Variants in ATN1 observed in about 807,000 individuals in gnomAD.
ATN1 encodes the protein atrophin-1.
ATN1 carries 19 observed loss-of-function variants against 85.8 expected under a neutral mutation model. The ratio of observed to expected loss-of-function variants is 0.22; its 90% CI spans 0.15 to 0.32. The LOEUF (loss-of-function observed/expected upper bound fraction) is 0.32, where lower values mean the gene tolerates loss of function less well. ATN1 is among the 10% of genes least tolerant of loss of function. The pLI is 1.00. For synonymous variants in ATN1, 674 were observed against 657.0 expected (o/e 1.03, Z -0.39); for missense variants, 1,453 against 1,564.5 (o/e 0.93, Z 1.20).
Position 6,937,052 on chromosome 12 carries a change from A to G in ATN1, c.1785A>G (p.Gln595=). ...ACCCCTCCCCTTCCCAGGGCCCTCA[A>G]GGGGCGCCCTACCCTTTCCCACCGG... ...CSHPSPSQGP[Q]GAPYPFPPVP... The change falls in exon 5 of 10, where the codon CAA becomes CAG. Residue 595 remains glutamine, a synonymous_variant. Coordinates refer to ENST00000396684, the MANE Select transcript of ATN1 (RefSeq NM_001940.4). The surrounding 1 kb of genome is among the most constrained non-coding windows in gnomAD (Gnocchi z 6.0). The G allele has an allele frequency of 6.2e-7, 1 of 1,613,642 alleles. No individual in the cohort carries two copies. The highest frequency in any genetic ancestry group is 8.5e-7 in the Non-Finnish European group (1 of 1,179,930).
upstream of ATN1, among the ~76,000 whole-genome samples, chr12:6,927,013 G>C (rs1417834122): frequency 6.6e-6 from 1 of 150,988 alleles, no homozygotes; most frequent in Non-Finnish European, 1.5e-5. Context: ...ATTTTCCCTA[G>C]AATTGGCACC....
At chr12:6,939,872 C>T (rs782306288) in intron 7 of ATN1, among the ~76,000 whole-genome samples, 2 of 152,198 alleles carry the variant, frequency 1.3e-5, no homozygotes, top group Admixed American at 6.5e-5. Context: ...TCTCCCTCTG[C>T]GAGGTCTTTC....
intron 7 of ATN1, among the ~76,000 whole-genome samples, chr12:6,940,575 G>C (rs969266327): frequency 2.6e-5 from 4 of 152,078 alleles, no homozygotes; most frequent in Non-Finnish European, 4.4e-5. Flanking sequence ...GCCTCTTCTT[G>C]TCTTATTTTC....
chr12:6,937,689 C>G lies in ATN1; in HGVS notation c.2294+128C>G. The G allele has an allele frequency of 7.0e-7, 1 of 1,431,384 alleles. No individual in the cohort carries two copies. Among genetic ancestry groups the G allele is most frequent in the Non-Finnish European group, 9.2e-7 (1 of 1,091,780 alleles). The allele number at this position is 1,431,384 out of a possible 1,614,324, so 88.7% of individuals were successfully genotyped here. ...TTTAGAAAAGCACGCCCCTCTCCTC[C>G]GTCCAGGCCTAGTGGCCAGTGAGGC... is the stretch of plus-strand genomic sequence containing the variant. On this transcript the variant is annotated intron_variant, in intron 5 of 9. Transcript: ENST00000396684. The surrounding 1 kb of genome is among the most constrained non-coding windows in gnomAD (Gnocchi z 6.0).
At position 6,940,970 on chromosome 12, in the gene ATN1, C is replaced by T. The variant is rs1555144551; in HGVS notation, c.3305C>T (p.Pro1102Leu). The change falls in exon 8 of 10, where the codon CCC (proline) becomes CTC (leucine). Residue 1102 changes from proline to leucine, a missense_variant. By Grantham distance (98) the Pro-to-Leu change is moderately conservative. Coordinates refer to ENST00000396684, the MANE Select transcript of ATN1 (RefSeq NM_001940.4). Reference sequence around the variant, plus strand: ...TACCCAGCTGGAACTCTCCCTAACCCCCTGCTTCCTCACCCTCTGCACGAG... The same window carrying T: ...TACCCAGCTGGAACTCTCCCTAACCTCCTGCTTCCTCACCCTCTGCACGAG... ...IPYPAGTLPN[P>L]LLPHPLHENE... The T allele has an allele frequency of 6.2e-7, 1 of 1,614,226 alleles. No individual in the cohort carries two copies. Among genetic ancestry groups the T allele is most frequent in the South Asian group, 1.1e-5 (1 of 91,082 alleles).
At position 6,937,322 on chromosome 12, in the gene ATN1, C is replaced by A. The variant is rs1555143944; in HGVS notation, c.2055C>A (p.Phe685Leu). 6.4e-7 allele frequency: 1 copy of A among 1,568,758 alleles called. No homozygotes were observed. The highest frequency in any genetic ancestry group is 2.4e-5 in the East Asian group (1 of 41,726). Residue 685 changes from phenylalanine to leucine, a missense_variant, in exon 5 of 10, where the codon TTC becomes TTA. Transcript: ENST00000396684. This position sits in a 1 kb window ranked among gnomAD's most constrained non-coding sequence, Gnocchi z 6.0. ...GTSPPAGPGT[F>L]KPGSPTVGPG... The stretch of plus-strand genomic sequence containing the variant: ...CGCCACCTGCAGGCCCAGGGACCTT[C>A]AAGCCGGGCTCGCCCACCGTGGGAC...
chr12:6,930,047 A>AG (rs782133918), intron 1 of ATN1, among the ~76,000 whole-genome samples: 1 of 152,206 alleles, frequency 6.6e-6, no homozygotes, highest in Non-Finnish European at 1.5e-5. Flanking sequence ...AGCTTCATGC[A>AG]GGGGAAATAC....
chr12:6,939,533 G>A (rs1375143428), intron 7 of ATN1, among the ~76,000 whole-genome samples: 1 of 152,112 alleles, frequency 6.6e-6, no homozygotes, highest in Non-Finnish European at 1.5e-5. Context: ...ACATGGTCTG[G>A]CTCTGCCACC....
In ATN1 at chr12:6,935,939, T is replaced by A. The variant is rs1555143513; in HGVS notation, c.672T>A (p.Thr224=). Residue 224 remains threonine (T), a synonymous_variant, in exon 5 of 10, where the codon ACT becomes ACA. Coordinates refer to ENST00000396684, the MANE Select transcript of ATN1 (RefSeq NM_001940.4). This position sits in a 1 kb window ranked among gnomAD's most constrained non-coding sequence, Gnocchi z 5.3. ...ACCCACAGCTCTATCCTGGGGGCACTGGTGGAGTTTTGTCTGGACCCCCAA... is the reference window on the plus strand; with the variant it reads ...ACCCACAGCTCTATCCTGGGGGCACAGGTGGAGTTTTGTCTGGACCCCCAA... ...PPHPQLYPGG[T]GGVLSGPPMG... The A allele has an allele frequency of 6.3e-7, 1 of 1,596,744 alleles. No individual in the cohort carries two copies.
At position 6,937,466 on chromosome 12, in the gene ATN1, G is replaced by A. The variant is rs1555143987; in HGVS notation, c.2199G>A (p.Glu733=). ...AGATCAAACAGGAGCCGGCTGAGGA[G>A]TATGAGACCCCCGAGAGCCCGGTGC... The part of the protein sequence containing the change: ...ATQIKQEPAE[E]YETPESPVPP... The change falls in exon 5 of 10, where the codon GAG becomes GAA. Residue 733 remains glutamate, a synonymous_variant. Transcript: ENST00000396684. The surrounding 1 kb of genome is among the most constrained non-coding windows in gnomAD (Gnocchi z 6.0). 2 of 1,546,366 alleles carry A rather than the reference G, an allele frequency of 1.3e-6. No individual in the cohort carries two copies. Among genetic ancestry groups the A allele is most frequent in the Non-Finnish European group, 1.7e-6 (2 of 1,147,120 alleles).
Position 6,934,259 on chromosome 12 carries a change from G to C in ATN1, c.111G>C (p.Gly37=). The C allele has an allele frequency of 1.3e-6, 2 of 1,581,558 alleles. No individual in the cohort carries two copies. Among genetic ancestry groups the C allele is most frequent in the Admixed American group, 4.1e-5 (2 of 48,818 alleles). Residue 37 remains glycine, a synonymous_variant, in exon 3 of 10, where the codon GGG becomes GGC. Coordinates refer to ENST00000396684, the MANE Select transcript of ATN1 (RefSeq NM_001940.4). The surrounding 1 kb of genome is among the most constrained non-coding windows in gnomAD (Gnocchi z 4.5). ...CGAGGGGCCGGGCCTCCCCTGGAGGGGTCAGCACGTCCAGCAGTGATGGCA... is the reference window on the plus strand; with the variant it reads ...CGAGGGGCCGGGCCTCCCCTGGAGGCGTCAGCACGTCCAGCAGTGATGGCA... The part of the protein sequence containing the change: ...LRSRGRASPG[G]VSTSSSDGKA...
chr12:6,936,379 T>C lies in ATN1; in HGVS notation c.1112T>C (p.Met371Thr), dbSNP rs782699382. 6 of 1,613,788 alleles carry C rather than the reference T, an allele frequency of 3.7e-6. No individual in the cohort carries two copies. The highest frequency in any genetic ancestry group is 5.1e-6 in the Non-Finnish European group (6 of 1,179,912). The stretch of plus-strand genomic sequence containing the variant: ...TCCTCTTCTGCTCCAGCGCCCCCCA[T>C]GAGGTTTCCTTATTCATCCTCTAGT... The part of the protein sequence containing the change: ...PASSSAPAPP[M>T]RFPYSSSSSS... The change falls in exon 5 of 10, where the codon ATG (methionine) becomes ACG (threonine). Residue 371 changes from methionine (M) to threonine (T), a missense_variant. Coordinates refer to ENST00000396684, the MANE Select transcript of ATN1 (RefSeq NM_001940.4).
rs1565567661 is a variant in ATN1, at chr12:6,937,494, CCAGCCCG to C, written c.2234_2240del (p.Arg745ProfsTer8). Reference sequence around the variant, plus strand: ...TGAGACCCCCGAGAGCCCGGTGCCCCCAGCCCGCAGCCCCTCGCCCCCTCCCAAGGTG... The same window carrying C: ...TGAGACCCCCGAGAGCCCGGTGCCCCCAGCCCCTCGCCCCCTCCCAAGGTG... On this transcript the variant is annotated frameshift_variant, in exon 5 of 10. Transcript: ENST00000396684. LOFTEE classifies it high-confidence loss of function. The surrounding 1 kb of genome is among the most constrained non-coding windows in gnomAD (Gnocchi z 6.0). 1 of 1,545,242 alleles carries C rather than the reference CCAGCCCG, an allele frequency of 6.5e-7. No individual in the cohort carries two copies. The highest frequency in any genetic ancestry group is 8.7e-7 in the Non-Finnish European group (1 of 1,146,912).
chr12:6,926,124 A>G (rs1945396720), upstream of ATN1, among the ~76,000 whole-genome samples: 1 of 152,146 alleles, frequency 6.6e-6, no homozygotes, highest in South Asian at 2.1e-4. Flanking sequence ...GCCAGAGGCT[A>G]CCTGGAGAGC....
chr12:6,931,879 C>G (rs782366717), intron 1 of ATN1, among the ~76,000 whole-genome samples: 34 of 144,378 alleles, frequency 2.4e-4, no homozygotes, highest in African/African-American at 6.7e-4. Flanking sequence ...ACTAAAAATA[C>G]AAAAAATTAG....
At chr12:6,925,517 G>A (rs916497554), upstream of ATN1, among the ~76,000 whole-genome samples, 11 of 152,148 alleles carry the variant, frequency 7.2e-5, no homozygotes, top group Non-Finnish European at 1.2e-4. Flanking sequence ...GGGAGTCGGG[G>A]TGCACAGGGA....
At chr12:6,938,110 T>G in intron 6 of ATN1, 43 bp downstream of exon 6, 1 of 1,512,668 alleles carries the variant, frequency 6.6e-7, no homozygotes, top group Non-Finnish European at 8.8e-7. Context: ...TTTCCCTCTT[T>G]CCTTCCTTCC....
Position 6,937,767 on chromosome 12 carries a change from C to T in ATN1, c.2295-78C>T. 1.4e-6 allele frequency: 2 copies of T among 1,467,644 alleles called. No homozygotes were observed. Among genetic ancestry groups the T allele is most frequent in the South Asian group, 1.4e-5 (1 of 71,082 alleles). 90.9% of individuals were successfully genotyped at this position (1,467,644 alleles called of 1,614,324 possible). On this transcript the variant is annotated intron_variant, in intron 5 of 9. Transcript: ENST00000396684. The surrounding 1 kb of genome is among the most constrained non-coding windows in gnomAD (Gnocchi z 6.0). ...GGTTTTGAGGCGGGGGCTACAAGCACTCGCCGGGGCCGCGGCGCTGCGGGC... is the reference window on the plus strand; with the variant it reads ...GGTTTTGAGGCGGGGGCTACAAGCATTCGCCGGGGCCGCGGCGCTGCGGGC...
chr12:6,938,951 G>T lies in ATN1; in HGVS notation c.2988G>T (p.Gly996=). 1 of 1,613,838 alleles carries T rather than the reference G, an allele frequency of 6.2e-7. No individual in the cohort carries two copies. Among genetic ancestry groups the T allele is most frequent in the Non-Finnish European group, 8.5e-7 (1 of 1,179,994 alleles). Residue 996 remains glycine, a synonymous_variant, in exon 7 of 10, where the codon GGG becomes GGT. Coordinates refer to ENST00000396684, the MANE Select transcript of ATN1 (RefSeq NM_001940.4). ...CTTTCCCCTTTCATCCGAGCCTGGG[G>T]CCCCTGGAGCGAGAACGTCTAGCGC... is the stretch of plus-strand genomic sequence containing the variant. The part of the protein sequence containing the change: ...LHPFPFHPSL[G]PLERERLALA...
Sources: gnomAD v4.1 joint callset for allele counts (sites outside exome capture counted in the v4.1 genomes callset) on GRCh38, gnomAD v4.1.1 for gene constraint, Gnocchi (gnomAD v3.1) non-coding constraint, MANE v1.5 for transcripts, NCBI Gene and HGNC (gene_info 2026-07-23, HGNC 2026-07-21) for gene names.